IFIH1: variants seen among roughly 807,000 people sequenced by gnomAD.
IFIH1 encodes interferon-induced helicase C domain-containing protein 1.
A neutral mutation model predicts 107.4 loss-of-function variants in IFIH1; 125 were observed. The observed-to-expected ratio is 1.16, with a 90% confidence interval of 1.01 to 1.35. The LOEUF is 1.35. Ranked by LOEUF, IFIH1 falls within the 40% of genes most tolerant of loss-of-function variation. IFIH1 has a pLI of 0.00. For synonymous variants in IFIH1, 458 were observed against 413.2 expected, an observed-to-expected ratio of 1.11 and a Z score of -1.31; for missense variants, 1,333 against 1,213.7, an observed-to-expected ratio of 1.10 and a Z score of -1.46.
intron 6 of IFIH1, 71 bp from the exon 7 acceptor site, chr2:162,281,616 G>A (rs1349835025): frequency 1.5e-5 from 17 of 1,130,280 alleles, no homozygotes; most frequent in Non-Finnish European, 2.2e-5. Flanking sequence ...CTTTAGACCA[G>A]TAATTGAGCT....
At chr2:162,269,324 T>C (rs1261799657) in intron 13 of IFIH1, among the ~76,000 whole-genome samples, 1 of 152,168 alleles carries the variant, frequency 6.6e-6, no homozygotes. Context: ...ATGTGGCAGC[T>C]GAAATTCTAA....
chr2:162,284,947 C>A (rs537930894), intron 5 of IFIH1, among the ~76,000 whole-genome samples: 2 of 151,874 alleles, frequency 1.3e-5, no homozygotes, highest in Admixed American at 6.6e-5. Context: ...AGAAGCCGCA[C>A]CTTCTGATGT....
In IFIH1 at chr2:162,306,720, G is replaced by A. The variant is rs774782975; in HGVS notation, c.758C>T (p.Ser253Phe). The change falls in exon 3 of 16, where the codon TCT (serine) becomes TTT (phenylalanine). Residue 253 changes from serine (S) to phenylalanine (F), a missense_variant. Coordinates refer to ENST00000649979, the MANE Select transcript of IFIH1 (RefSeq NM_022168.4). ...TGTGTTTCAAGTACCTGAAACTACA[G>A]AAGAATCTGCAAAAGATGATTCTGA... is the stretch of plus-strand genomic sequence containing the variant. ...NSSESSFADS[S>F]VVSESDTSLA... 6.8e-6 allele frequency: 11 copies of A among 1,613,746 alleles called. No homozygotes were observed. The Admixed American group carries it at 1.8e-4, about 27-fold the overall frequency.
intron 4 of IFIH1, among the ~76,000 whole-genome samples, chr2:162,291,550 C>T (rs550812506): frequency 4.6e-5 from 7 of 151,598 alleles, no homozygotes; most frequent in East Asian, 1.9e-4. Context: ...TTAAAAGTAC[C>T]GGTAATCATG....
intron 13 of IFIH1, among the ~76,000 whole-genome samples, chr2:162,271,967 T>C (rs1192906776): frequency 6.6e-6 from 1 of 152,182 alleles, no homozygotes; most frequent in African/African-American, 2.4e-5. Flanking sequence ...CAGCAGTCTT[T>C]CTGGAACAAG....
At chr2:162,287,735 G>T (rs1682921362) in intron 5 of IFIH1, among the ~76,000 whole-genome samples, 1 of 151,846 alleles carries the variant, frequency 6.6e-6, no homozygotes, top group African/African-American at 2.4e-5. Flanking sequence ...AACAATATTT[G>T]ATCCTTGATT....
In IFIH1 at chr2:162,317,848, C is replaced by T. The variant is rs1476583732; in HGVS notation, c.453+7G>A. On this transcript the variant is annotated splice_region_variant and intron_variant, in intron 1 of 15. Transcript: ENST00000649979. ...AAAAGGCTAGCTCCATCTGAACAGA[C>T]ACCTACCCGGTTTCTGTCTTCAATT... 11 of 1,561,692 alleles carry T rather than the reference C, an allele frequency of 7.0e-6. No homozygotes were observed. Among genetic ancestry groups the T allele is most frequent in the Non-Finnish European group, 9.5e-6 (11 of 1,155,288 alleles).
intron 3 of IFIH1, among the ~76,000 whole-genome samples, chr2:162,300,194 G>C (rs1683169259): frequency 6.6e-6 from 1 of 152,086 alleles, no homozygotes. Flanking sequence ...TTCTCTCAAT[G>C]ATACTGTATT....
intron 8 of IFIH1, 142 bp from the exon 9 acceptor site, chr2:162,278,470 GTCTGT>G: frequency 1.9e-6 from 1 of 523,386 alleles, no homozygotes; most frequent in Non-Finnish European, 3.3e-6. Context: ...CCCATCACTT[GTCTGT>G]ACATTTATTT....
At chr2:162,313,290 AT>A (rs776728553) in intron 1 of IFIH1, among the ~76,000 whole-genome samples, 1 of 152,202 alleles carries the variant, frequency 6.6e-6, no homozygotes, top group Non-Finnish European at 1.5e-5. Context: ...AATTACAGAA[AT>A]TCGTGGGAGG....
chr2:162,308,545 T>A (rs535914629), intron 2 of IFIH1, among the ~76,000 whole-genome samples: 137 of 152,178 alleles, frequency 9.0e-4, no homozygotes, highest in African/African-American at 3.2e-3. Flanking sequence ...CCCCAGCTAA[T>A]TTTTGTATTC....
intron 3 of IFIH1, among the ~76,000 whole-genome samples, chr2:162,296,150 C>T (rs974031801): frequency 6.6e-6 from 1 of 152,026 alleles, no homozygotes; most frequent in African/African-American, 2.4e-5. Context: ...AATCTTAAAC[C>T]TACTTCATCT....
At position 162,310,939 on chromosome 2, in the gene IFIH1, G is replaced by T; in HGVS notation, c.454-6C>A. On this transcript the variant is annotated splice_polypyrimidine_tract_variant and splice_region_variant and intron_variant, in intron 1 of 15. Coordinates refer to ENST00000649979, the MANE Select transcript of IFIH1 (RefSeq NM_022168.4). ...TTGTTTTCTGCAGCAGCAATCTGTT[G>T]TAAGAGAAAATTAGAATTAAGTAAG... is the stretch of plus-strand genomic sequence containing the variant. The T allele has an allele frequency of 1.2e-6, 2 of 1,608,534 alleles. No homozygotes were observed. The highest frequency in any genetic ancestry group is 1.7e-6 in the Non-Finnish European group (2 of 1,176,790).
chr2:162,298,790 GCACACACACA>G (rs144124365), intron 3 of IFIH1, among the ~76,000 whole-genome samples: 1 of 149,194 alleles, frequency 6.7e-6, no homozygotes, highest in South Asian at 2.1e-4. Context: ...ACGCGCGCGC[GCACACACACA>G]CACACACACA....
intron 2 of IFIH1, 124 bp downstream of exon 2, chr2:162,310,641 A>G (rs1680128710): frequency 4.2e-6 from 3 of 719,076 alleles, no homozygotes; most frequent in Non-Finnish European, 7.1e-6. Context: ...TCTATCACAT[A>G]TGTTCCACTC....
Position 162,318,304 on chromosome 2 carries a change from A to T in IFIH1, c.4T>A (p.Ser2Thr). The change falls in exon 1 of 16, where the codon TCG becomes ACG. Residue 2 changes from serine (S) to threonine (T), a missense_variant. Physicochemically the swap from Ser to Thr is moderately conservative, Grantham distance 58. Transcript: ENST00000649979. ...TTCTCGTCTGTGGAATACCCATTCGACATCTTTCTTTCTCAGAGAAGGGAG... is the reference window on the plus strand; with the variant it reads ...TTCTCGTCTGTGGAATACCCATTCGTCATCTTTCTTTCTCAGAGAAGGGAG... M[S>T]NGYSTDENFR... is the part of the protein sequence containing the mutation. 1 of 1,609,856 alleles carries T rather than the reference A, an allele frequency of 6.2e-7. No homozygotes were observed. Among genetic ancestry groups the T allele is most frequent in the African/African-American group, 1.3e-5 (1 of 74,954 alleles).
At chr2:162,274,662 A>T (rs1374768319) in intron 11 of IFIH1, among the ~76,000 whole-genome samples, 2 of 152,208 alleles carry the variant, frequency 1.3e-5, no homozygotes. Context: ...GAATTTTGAA[A>T]GTCAATATAA....
chr2:162,318,083 C>A lies in IFIH1; in HGVS notation c.225G>T (p.Trp75Cys). 1 of 1,614,204 alleles carries A rather than the reference C, an allele frequency of 6.2e-7. No homozygotes were observed. Among genetic ancestry groups the A allele is most frequent in the Non-Finnish European group, 8.5e-7 (1 of 1,180,042 alleles). ...TLEKGVWHLGWTREFVEALRR... is the reference protein window; with the variant it reads ...TLEKGVWHLGCTREFVEALRR... ...GGAGGGCCTCCACGAATTCCCGAGT[C>A]CAACCAAGGTGCCAGACTCCCTTCT... is the stretch of plus-strand genomic sequence containing the variant. The change falls in exon 1 of 16, where the codon TGG becomes TGT. Residue 75 changes from tryptophan to cysteine, a missense_variant. Trp to Cys is a radical substitution (Grantham distance 215, BLOSUM62 -2). Coordinates refer to ENST00000649979, the MANE Select transcript of IFIH1 (RefSeq NM_022168.4).
At chr2:162,316,022 C>T (rs780097559) in intron 1 of IFIH1, among the ~76,000 whole-genome samples, 2 of 152,186 alleles carry the variant, frequency 1.3e-5, no homozygotes, top group Admixed American at 1.3e-4. Context: ...AGTCCCGTTA[C>T]TCTATATCTT....
Sources: gnomAD v4.1 joint callset for allele counts (sites outside exome capture counted in the v4.1 genomes callset) on GRCh38, gnomAD v4.1.1 for gene constraint, MANE v1.5 for transcripts, NCBI Gene and HGNC (gene_info 2026-07-23, HGNC 2026-07-21) for gene names.